Variants in TMC3 observed in about 807,000 individuals in gnomAD.
TMC3 encodes the protein transmembrane channel-like protein 3.
Under a neutral mutation model 110.6 loss-of-function variants are expected in TMC3, and 98 were observed. The observed-to-expected ratio is 0.89, with a 90% confidence interval of 0.75 to 1.05. The LOEUF is 1.05. Ranked by LOEUF, TMC3 falls within the 50% of genes least tolerant of loss-of-function variation. TMC3 has a pLI of 0.00. For missense variants in TMC3, 1,319 were observed against 1,373.2 expected (o/e 0.96, Z 0.62); for synonymous variants, 489 against 513.1 (o/e 0.95, Z 0.63).
chr15:81,334,323 A>G (rs1893542679), intron 21 of TMC3, among the ~76,000 whole-genome samples: 1 of 152,186 alleles, frequency 6.6e-6, no homozygotes, highest in Non-Finnish European at 1.5e-5. Flanking sequence ...GAAGGGATCT[A>G]CTGCTTTCTT....
rs1893512510 is a variant in TMC3, at chr15:81,333,185, T to G, written c.2537A>C (p.His846Pro). The G allele has an allele frequency of 6.2e-7, 1 of 1,614,018 alleles. No individual in the cohort carries two copies. Among genetic ancestry groups the G allele is most frequent in the African/African-American group, 1.3e-5 (1 of 75,036 alleles). ...RSRTPMTFTT[H>P]IEDVHSEPLF... ...AGGTTCTGAGTGTACATCTTCGATG[T>G]GCGTTGTAAATGTCATAGGTGTGCG... Residue 846 changes from histidine (H) to proline (P), a missense_variant, in exon 22 of 22, where the codon CAC becomes CCC. His to Pro is a moderately conservative substitution (Grantham distance 77). Transcript: ENST00000359440.
chr15:81,372,738 C>T lies in TMC3; in HGVS notation c.90-1G>A. The T allele has an allele frequency of 6.2e-7, 1 of 1,613,884 alleles. No homozygotes were observed. Among genetic ancestry groups the T allele is most frequent in the East Asian group, 2.2e-5 (1 of 44,868 alleles). On this transcript the variant is annotated splice_acceptor_variant, in intron 1 of 21. Transcript: ENST00000359440. LOFTEE classifies it high-confidence loss of function. ...AGCACTAAAGCTGTCATCCAAGTTG[C>T]TGAATGATCAGGGCATTAAGGAGGA...
chr15:81,335,066 C>G, intron 20 of TMC3, 91 bp from the exon 21 acceptor site: 1 of 1,438,828 alleles, frequency 7.0e-7, no homozygotes, highest in Non-Finnish European at 9.5e-7. Flanking sequence ...TTTATGACAT[C>G]CAAGAGTTGG....
intron 13 of TMC3, 45 bp from the exon 14 acceptor site, chr15:81,344,090 C>T (rs778030662): frequency 1.3e-6 from 2 of 1,583,180 alleles, no homozygotes; most frequent in Non-Finnish European, 1.7e-6. Flanking sequence ...CCCACCCTTC[C>T]CACGGTCACT....
chr15:81,334,088 C>CAA (rs1893537221), intron 21 of TMC3, among the ~76,000 whole-genome samples: 1 of 151,994 alleles, frequency 6.6e-6, no homozygotes, highest in South Asian at 2.1e-4. Flanking sequence ...TGAACCCTTT[C>CAA]TCCTTGTCAA....
At chr15:81,343,840 C>T in intron 14 of TMC3, 77 bp downstream of exon 14, 1 of 1,526,242 alleles carries the variant, frequency 6.6e-7, no homozygotes. Flanking sequence ...CTATGCTGGA[C>T]TGTTTCCCAG....
At chr15:81,339,630 A>G in intron 16 of TMC3, 126 bp from the exon 17 acceptor site, 2 of 698,180 alleles carry the variant, frequency 2.9e-6, no homozygotes, top group South Asian at 1.7e-5. Flanking sequence ...TCCTCCTCTC[A>G]GGGTTACCTA....
chr15:81,347,897 G>T (rs888405056), intron 11 of TMC3, among the ~76,000 whole-genome samples: 1 of 151,864 alleles, frequency 6.6e-6, no homozygotes, highest in African/African-American at 2.4e-5. Flanking sequence ...TAGCCAGTGG[G>T]CTGAGAGGCT....
chr15:81,351,116 G>A (rs1034696596), intron 10 of TMC3, among the ~76,000 whole-genome samples: 2 of 152,154 alleles, frequency 1.3e-5, no homozygotes, highest in Non-Finnish European at 2.9e-5. Flanking sequence ...AAACACAGTC[G>A]GTGAGGCTCA....
At chr15:81,339,073 GA>G (rs936220980) in intron 17 of TMC3, among the ~76,000 whole-genome samples, 2 of 152,042 alleles carry the variant, frequency 1.3e-5, no homozygotes, top group East Asian at 3.9e-4. Context: ...GATAATATAG[GA>G]AAAAAAAGTG....
intron 16 of TMC3, among the ~76,000 whole-genome samples, chr15:81,340,202 TTCTCTGTCTC>T (rs1238005967): frequency 1.4e-5 from 2 of 143,668 alleles, no homozygotes; most frequent in East Asian, 4.1e-4. Context: ...GTTGGTCTGT[TTCTCTGTCTC>T]TCTCTGTCTC....
At chr15:81,372,762 GAAAT>G (rs1567072158) in intron 1 of TMC3, 25 bp from the exon 2 acceptor site, 1 of 1,611,520 alleles carries the variant, frequency 6.2e-7, no homozygotes, top group Non-Finnish European at 8.5e-7. Context: ...CATTAAGGAG[GAAAT>G]CTGATTAGAA....
chr15:81,337,027 G>C (rs951325450), intron 19 of TMC3, among the ~76,000 whole-genome samples: 1 of 151,116 alleles, frequency 6.6e-6, no homozygotes, highest in Non-Finnish European at 1.5e-5. Flanking sequence ...CCAATTAGAA[G>C]CTAATTTGTG....
intron 2 of TMC3, 21 bp downstream of exon 2, chr15:81,372,570 A>G: frequency 6.2e-7 from 1 of 1,612,706 alleles, no homozygotes; most frequent in Non-Finnish European, 8.5e-7. Context: ...AATGATCAAT[A>G]ATGGCCATTG....
chr15:81,365,919 C>T (rs142450919), intron 3 of TMC3, among the ~76,000 whole-genome samples: 150 of 152,166 alleles, frequency 9.9e-4, no homozygotes, highest in Non-Finnish European at 1.9e-3. Flanking sequence ...GACCTATCAA[C>T]ATGTCAACAT....
chr15:81,361,056 A>T (rs1447530087), intron 4 of TMC3, among the ~76,000 whole-genome samples: 2 of 148,470 alleles, frequency 1.3e-5, no homozygotes, highest in Non-Finnish European at 3.0e-5. Context: ...AAAACTTTTT[A>T]AAAAAGAAAT....
intron 3 of TMC3, 24 bp downstream of exon 3, chr15:81,368,229 A>C (rs775072448): frequency 1.2e-6 from 2 of 1,602,592 alleles, no homozygotes; most frequent in Non-Finnish European, 1.7e-6. Context: ...CACCGCGCCC[A>C]GCCACATGTG....
chr15:81,364,562 T>C (rs1894262854), intron 3 of TMC3, among the ~76,000 whole-genome samples: 1 of 147,884 alleles, frequency 6.8e-6, no homozygotes, highest in Non-Finnish European at 1.5e-5. Flanking sequence ...GGGATAGCAT[T>C]GGGAGATATA....
At chr15:81,341,954 C>T (rs867968767) in intron 15 of TMC3, among the ~76,000 whole-genome samples, 23 of 152,182 alleles carry the variant, frequency 1.5e-4, no homozygotes, top group African/African-American at 4.3e-4. Context: ...CATCCTCACA[C>T]ATTTCAGTTT....
Sources: allele counts gnomAD v4.1 joint callset (sites outside exome capture counted in the v4.1 genomes callset), GRCh38; gene constraint gnomAD v4.1.1; transcripts MANE v1.5; gene names NCBI Gene and HGNC (gene_info 2026-07-23, HGNC 2026-07-21).